The following AMMECR1 variants were observed in gnomAD, a reference collection of about 807,000 sequenced individuals.
The protein encoded by AMMECR1 is nuclear protein AMMECR1.
Under a neutral mutation model 22.5 loss-of-function variants are expected in AMMECR1, and 3 were observed. That is an observed-to-expected ratio of 0.13 (90% confidence interval 0.06 to 0.35). The LOEUF is 0.35. Among genes scored for constraint, AMMECR1 ranks in the 10% least tolerant of loss-of-function variants. AMMECR1 has a pLI of 1.00. For synonymous variants in AMMECR1, 130 were observed against 116.7 expected (o/e 1.11, Z -0.74); for missense variants, 235 against 278.7 (o/e 0.84, Z 1.12).
chrX:110,334,809 C>T (rs1602906290), intron 2 of AMMECR1, among the ~76,000 whole-genome samples: 2 of 112,021 alleles, frequency 1.8e-5, no homozygotes, highest in Admixed American at 1.9e-4. Context: ...GCTGATGCCT[C>T]ATGTTCTGGA....
chrX:110,347,184 G>A (rs2068193950), intron 2 of AMMECR1, among the ~76,000 whole-genome samples: 1 of 113,349 alleles, frequency 8.8e-6, no homozygotes, highest in Admixed American at 9.2e-5. Context: ...TTGGCACAAT[G>A]CTCTGAATTC....
At chrX:110,233,067 A>G (rs1242659363) in intron 2 of AMMECR1, among the ~76,000 whole-genome samples, 1 of 109,928 alleles carries the variant, frequency 9.1e-6, no homozygotes, top group African/African-American at 3.3e-5. Flanking sequence ...TGAAAAGATC[A>G]ACAAAACTGA....
At chrX:110,236,310 T>C (rs1359996865) in intron 2 of AMMECR1, among the ~76,000 whole-genome samples, 2 of 111,252 alleles carry the variant, frequency 1.8e-5, no homozygotes, top group Admixed American at 9.5e-5. Context: ...AATACCATAT[T>C]ATACGAGTTA....
chrX:110,335,485 A>G (rs1245628120), intron 2 of AMMECR1, among the ~76,000 whole-genome samples: 1 of 111,823 alleles, frequency 8.9e-6, no homozygotes, highest in Non-Finnish European at 1.9e-5. Flanking sequence ...TAGTCACTCA[A>G]TAAACATGGG....
intron 2 of AMMECR1, among the ~76,000 whole-genome samples, chrX:110,369,138 C>T (rs7883865): frequency 0.031 from 3,490 of 111,347 alleles, 153 homozygotes; most frequent in African/African-American, 0.11. Flanking sequence ...TGAGACCATC[C>T]TGGCTAACAC....
At chrX:110,348,850 G>A (rs1050571739) in intron 2 of AMMECR1, among the ~76,000 whole-genome samples, 7 of 111,938 alleles carry the variant, frequency 6.3e-5, no homozygotes, top group African/African-American at 2.3e-4. Flanking sequence ...TAAGAAAGGG[G>A]AAGTAAAATG....
chrX:110,364,374 G>C lies in AMMECR1; in HGVS notation c.-147-46525C>G, dbSNP rs1010197561. On this transcript the variant is annotated intron_variant, in intron 2 of 7. Transcript: ENST00000372057. The stretch of plus-strand genomic sequence containing the variant: ...TTCCAGTTGGATGTAACTTTTGGGG[G>C]CGGTGACACAATTCAACCCACTATG... Among the ~76,000 whole-genome samples the C allele has an allele frequency of 2.7e-5, 3 of 111,148 alleles. No homozygotes were observed. The Admixed American group carries it at 2.9e-4, about 11-fold the overall frequency.
chrX:110,216,367 C>T, intron 3 of AMMECR1, 151 bp downstream of exon 3: 1 of 382,824 alleles, frequency 2.6e-6, no homozygotes, highest in South Asian at 5.9e-5. Flanking sequence ...TTACTTATAT[C>T]TCGTTCAGTT....
chrX:110,274,931 C>T (rs1422403544), intron 1 of AMMECR1, among the ~76,000 whole-genome samples: 2 of 111,806 alleles, frequency 1.8e-5, no homozygotes, highest in Non-Finnish European at 3.8e-5. Context: ...TTGCAACCTA[C>T]TTTCAGCTAA....
intron 2 of AMMECR1, among the ~76,000 whole-genome samples, chrX:110,353,580 C>T (rs1435700943): frequency 2.7e-5 from 3 of 111,716 alleles, no homozygotes; most frequent in Non-Finnish European, 5.6e-5. Context: ...ATTGATTGTA[C>T]AGGAACATAT....
intron 2 of AMMECR1, among the ~76,000 whole-genome samples, chrX:110,395,527 G>A (rs753384508): frequency 1.8e-5 from 2 of 112,460 alleles, no homozygotes; most frequent in Non-Finnish European, 3.8e-5. Context: ...AACAGAAGAG[G>A]ATACAAAAGC....
chrX:110,392,000 C>T (rs1383789600), intron 2 of AMMECR1, among the ~76,000 whole-genome samples: 1 of 112,118 alleles, frequency 8.9e-6, no homozygotes, highest in African/African-American at 3.2e-5. Context: ...ATTTAAAAGA[C>T]CAATAATATT....
At chrX:110,365,829 C>T (rs1162882819) in intron 2 of AMMECR1, among the ~76,000 whole-genome samples, 1 of 111,887 alleles carries the variant, frequency 8.9e-6, no homozygotes, top group Non-Finnish European at 1.9e-5. Flanking sequence ...ATGCAAAGTG[C>T]CAAGCATAGT....
intron 2 of AMMECR1, among the ~76,000 whole-genome samples, chrX:110,244,409 G>A (rs1182300012): frequency 7.2e-5 from 8 of 111,252 alleles, no homozygotes; most frequent in African/African-American, 2.3e-4. Flanking sequence ...TTTGGCTCAG[G>A]AAGTTTTCTG....
In AMMECR1 at chrX:110,355,677, C is replaced by T. The variant is rs376721011; in HGVS notation, c.-147-37828G>A. ...CCATTTGGAAAACAGTATAAAGGTT[C>T]CTCAAAAAACTAAAAATAGAATTAC... On this transcript the variant is annotated intron_variant, in intron 2 of 7. Coordinates refer to the AMMECR1 transcript ENST00000372057. Among the ~76,000 whole-genome samples the T allele has an allele frequency of 9.9e-5, 11 of 111,349 alleles. No individual in the cohort carries two copies. In the East Asian group the frequency reaches 1.4e-3, roughly 14 times the overall value.
chrX:110,365,859 T>A (rs1267891093), intron 2 of AMMECR1, among the ~76,000 whole-genome samples: 1 of 111,993 alleles, frequency 8.9e-6, no homozygotes, highest in Non-Finnish European at 1.9e-5. Context: ...AAGGAAGTGG[T>A]TAGTAAATAT....
At chrX:110,252,771 A>C (rs2067692536) in intron 2 of AMMECR1, among the ~76,000 whole-genome samples, 1 of 112,697 alleles carries the variant, frequency 8.9e-6, no homozygotes, top group Non-Finnish European at 1.9e-5. Flanking sequence ...GCTTTGAGGA[A>C]TATTACAGCA....
chrX:110,367,456 G>A (rs1350930311), intron 2 of AMMECR1, among the ~76,000 whole-genome samples: 5 of 107,988 alleles, frequency 4.6e-5, no homozygotes, highest in East Asian at 2.9e-4. Flanking sequence ...TTTTTTTTTC[G>A]CCCAACAGCG....
At chrX:110,211,299 C>A (rs905548108) in intron 3 of AMMECR1, among the ~76,000 whole-genome samples, 1 of 112,285 alleles carries the variant, frequency 8.9e-6, no homozygotes, top group African/African-American at 3.2e-5. Flanking sequence ...ACTTGCTATA[C>A]GAATTCTTCT....
Sources: gnomAD v4.1 joint callset for allele counts (sites outside exome capture counted in the v4.1 genomes callset) on GRCh38, gnomAD v4.1.1 for gene constraint, MANE v1.5 for transcripts, NCBI Gene and HGNC (gene_info 2026-07-23, HGNC 2026-07-21) for gene names.